Variants in RAPGEF4 observed in about 807,000 individuals in gnomAD.
RAPGEF4 encodes Rap guanine nucleotide exchange factor 4.
A neutral mutation model predicts 147.9 loss-of-function variants in RAPGEF4; 66 were observed. That is an observed-to-expected ratio of 0.45 (90% CI 0.37 to 0.55). RAPGEF4 has a LOEUF of 0.55. Ranked by LOEUF, RAPGEF4 falls within the 20% of genes least tolerant of loss-of-function variation. RAPGEF4 has a pLI of 0.00. For synonymous variants in RAPGEF4, 419 were observed against 442.7 expected (o/e 0.95, Z 0.67); for missense variants, 1,071 against 1,257.3 (o/e 0.85, Z 2.24).
chr2:172,907,756 T>C (rs1057375040), intron 4 of RAPGEF4, among the ~76,000 whole-genome samples: 4 of 152,188 alleles, frequency 2.6e-5, no homozygotes, highest in African/African-American at 9.7e-5. Flanking sequence ...ACTATCTGGT[T>C]GGAAAATATC....
intron 1 of RAPGEF4, among the ~76,000 whole-genome samples, chr2:172,778,755 G>T (rs1209685131): frequency 1.3e-5 from 2 of 152,070 alleles, no homozygotes; most frequent in Non-Finnish European, 2.9e-5. Context: ...CCACATTTTT[G>T]AATATTTAGG....
chr2:173,048,811 G>T (rs1185390759), intron 30 of RAPGEF4, among the ~76,000 whole-genome samples, 157 bp downstream of exon 30: 2 of 152,162 alleles, frequency 1.3e-5, no homozygotes, highest in Non-Finnish European at 1.5e-5. Context: ...TGAGTTTAAA[G>T]ATTTTTTTTG....
intron 4 of RAPGEF4, among the ~76,000 whole-genome samples, chr2:172,855,810 A>C (rs1364750544): frequency 1.3e-5 from 2 of 152,170 alleles, no homozygotes; most frequent in Non-Finnish European, 2.9e-5. Context: ...TTTTGATGGA[A>C]AGTTACTACT....
At chr2:172,756,502 G>C (rs1695791853) in intron 1 of RAPGEF4, among the ~76,000 whole-genome samples, 1 of 152,154 alleles carries the variant, frequency 6.6e-6, no homozygotes, top group African/African-American at 2.4e-5. Context: ...TGCTATACCT[G>C]TCATATCCCT....
chr2:173,026,843 G>T, intron 24 of RAPGEF4, 146 bp downstream of exon 24: 1 of 1,185,700 alleles, frequency 8.4e-7, no homozygotes, highest in Non-Finnish European at 1.2e-6. Flanking sequence ...AATAAAGCAT[G>T]CTATAAAGCC....
chr2:173,044,492 A>G (rs1477777954), intron 29 of RAPGEF4, among the ~76,000 whole-genome samples: 1 of 152,164 alleles, frequency 6.6e-6, no homozygotes, highest in Non-Finnish European at 1.5e-5. Flanking sequence ...GACGCGTGAC[A>G]TAGTCACAGA....
intron 1 of RAPGEF4, among the ~76,000 whole-genome samples, chr2:172,775,688 C>G (rs1684092710): frequency 6.6e-6 from 1 of 151,930 alleles, no homozygotes. Context: ...GTATATTAGA[C>G]TCAGTGGGTA....
chr2:172,968,143 A>G (rs892305529), intron 10 of RAPGEF4, among the ~76,000 whole-genome samples: 1 of 152,204 alleles, frequency 6.6e-6, no homozygotes, highest in Non-Finnish European at 1.5e-5. Context: ...CATATAAAGA[A>G]GCATACATGT....
chr2:172,933,692 ATTATATGT>A (rs1322084928), intron 6 of RAPGEF4, among the ~76,000 whole-genome samples: 3 of 152,240 alleles, frequency 2.0e-5, no homozygotes, highest in Admixed American at 2.0e-4. Context: ...TTTGGCCCCT[ATTATATGT>A]TATATATTTA....
intron 29 of RAPGEF4, among the ~76,000 whole-genome samples, chr2:173,039,681 T>C (rs1011847868): frequency 6.6e-6 from 1 of 152,154 alleles, no homozygotes; most frequent in African/African-American, 2.4e-5. Context: ...GCCTCATATT[T>C]TGTTGCTCAG....
chr2:172,767,223 G>C (rs539998617), intron 1 of RAPGEF4, among the ~76,000 whole-genome samples: 1 of 149,158 alleles, frequency 6.7e-6, no homozygotes, highest in South Asian at 2.1e-4. Context: ...TTGTTGCCCA[G>C]GCTGGAGTGC....
intron 1 of RAPGEF4, 50 bp from the exon 2 acceptor site, chr2:172,794,975 T>G: frequency 6.5e-7 from 1 of 1,530,374 alleles, no homozygotes. Flanking sequence ...TGATTCACTT[T>G]GAGGTAAATC....
chr2:172,887,208 GA>G (rs1697337329), intron 4 of RAPGEF4, among the ~76,000 whole-genome samples: 1 of 145,454 alleles, frequency 6.9e-6, no homozygotes, highest in African/African-American at 2.5e-5. Flanking sequence ...AAAAAAAAAA[GA>G]AAAAAAGAAA....
chr2:172,956,747 G>T (rs772082028), intron 6 of RAPGEF4, among the ~76,000 whole-genome samples: 19 of 152,204 alleles, frequency 1.2e-4, no homozygotes, highest in Admixed American at 1.0e-3. Flanking sequence ...CGGGATTACA[G>T]GCGTGAGCCA....
At chr2:172,784,671 A>G (rs1044139953) in intron 1 of RAPGEF4, among the ~76,000 whole-genome samples, 1 of 152,160 alleles carries the variant, frequency 6.6e-6, no homozygotes, top group Non-Finnish European at 1.5e-5. Context: ...TAAGTGGTTA[A>G]TAATCATATA....
At chr2:172,805,367 T>A (rs1687394792) in intron 3 of RAPGEF4, among the ~76,000 whole-genome samples, 1 of 152,234 alleles carries the variant, frequency 6.6e-6, no homozygotes, top group African/African-American at 2.4e-5. Context: ...TCTGCCCCTA[T>A]TACTTTCAGG....
chr2:172,780,273 A>AT (rs1684560123), intron 1 of RAPGEF4, among the ~76,000 whole-genome samples: 1 of 152,226 alleles, frequency 6.6e-6, no homozygotes, highest in African/African-American at 2.4e-5. Flanking sequence ...GGCTCACTAT[A>AT]GCATCTTTAA....
intron 4 of RAPGEF4, chr2:172,917,461 T>C: frequency 8.5e-6 from 5 of 586,418 alleles, no homozygotes; most frequent in Non-Finnish European, 1.3e-5. Flanking sequence ...CTCGAGTGCC[T>C]TTTCCCTCTA....
At chr2:172,783,563 T>C (rs997469519) in intron 1 of RAPGEF4, among the ~76,000 whole-genome samples, 1 of 152,064 alleles carries the variant, frequency 6.6e-6, no homozygotes, top group Non-Finnish European at 1.5e-5. Flanking sequence ...ACTGCAATGG[T>C]CCCTGGGATC....
Sources: allele counts gnomAD v4.1 joint callset (sites outside exome capture counted in the v4.1 genomes callset), GRCh38; gene constraint gnomAD v4.1.1; transcripts MANE v1.5; gene names NCBI Gene and HGNC (gene_info 2026-07-23, HGNC 2026-07-21).